The following ADAMTSL1 variants were observed in gnomAD, a reference collection of about 807,000 sequenced individuals.
The protein encoded by ADAMTSL1 is ADAMTS-like protein 1.
ADAMTSL1 carries 126 observed loss-of-function variants against 201.8 expected under a neutral mutation model. The ratio of observed to expected loss-of-function variants is 0.62; its 90% CI spans 0.54 to 0.72. The LOEUF (loss-of-function observed/expected upper bound fraction) is 0.72, where lower values mean the gene tolerates loss of function less well. Ranked by LOEUF, ADAMTSL1 falls within the 30% of genes least tolerant of loss-of-function variation. ADAMTSL1 has a pLI of 0.00. For synonymous variants in ADAMTSL1, 1,121 were observed against 903.4 expected, an observed-to-expected ratio of 1.24 and a Z score of -4.32; for missense variants, 2,679 against 2,277.8, an observed-to-expected ratio of 1.18 and a Z score of -3.59.
rs554979861 is a variant in ADAMTSL1, at chr9:17,925,618, C to T, written c.87+18696C>T. ...ACTATCGCAAGAACAAAAAACCAAA[C>T]ACCGCATATTCTCACTCATAGGTGG... On this transcript the variant is annotated intron_variant, in intron 1 of 29. Transcript: ENST00000680146. Among the ~76,000 whole-genome samples the T allele has an allele frequency of 3.1e-4, 40 of 129,084 alleles. 1 individual carries two copies. Among genetic ancestry groups the T allele is most frequent in the African/African-American group, 7.5e-4 (27 of 35,900 alleles). The allele number at this position is 129,084 out of a possible 152,430, so 84.7% of individuals were successfully genotyped here.
intron 1 of ADAMTSL1, among the ~76,000 whole-genome samples, chr9:18,029,643 A>G (rs973892759): frequency 1.8e-4 from 27 of 151,800 alleles, no homozygotes; most frequent in African/African-American, 5.8e-4. Context: ...TTCGCAACCT[A>G]CTCATCTGAC....
At chr9:18,246,111 A>T (rs1485314972) in intron 2 of ADAMTSL1, among the ~76,000 whole-genome samples, 1 of 152,142 alleles carries the variant, frequency 6.6e-6, no homozygotes, top group Non-Finnish European at 1.5e-5. Flanking sequence ...AACTATAAAC[A>T]ATCAAGACTT....
At chr9:18,554,955 A>T (rs78665267) in intron 3 of ADAMTSL1, among the ~76,000 whole-genome samples, 7,619 of 151,824 alleles carry the variant, frequency 0.05, 283 homozygotes, top group African/African-American at 0.11. Flanking sequence ...TGTAAGGAAC[A>T]TATATCCACC....
chr9:18,151,233 A>C (rs1016538529), intron 1 of ADAMTSL1, among the ~76,000 whole-genome samples: 1 of 152,118 alleles, frequency 6.6e-6, no homozygotes, highest in African/African-American at 2.4e-5. Context: ...TGCTAACAGC[A>C]AACAAAAAAC....
chr9:17,962,737 G>A (rs1223529454), intron 1 of ADAMTSL1, among the ~76,000 whole-genome samples: 2 of 152,184 alleles, frequency 1.3e-5, no homozygotes, highest in Non-Finnish European at 2.9e-5. Flanking sequence ...TGATACAGTT[G>A]TATATGTTTT....
chr9:18,572,244 C>T (rs567389584), intron 3 of ADAMTSL1, among the ~76,000 whole-genome samples: 6 of 151,734 alleles, frequency 4.0e-5, no homozygotes, highest in Middle Eastern at 3.5e-3. Flanking sequence ...TGATTTGACA[C>T]AATTTACCTG....
chr9:18,063,481 A>C (rs993529971), intron 1 of ADAMTSL1, among the ~76,000 whole-genome samples: 1 of 152,240 alleles, frequency 6.6e-6, no homozygotes, highest in African/African-American at 2.4e-5. Flanking sequence ...TCTTTTATCT[A>C]AATATGTTTG....
At chr9:18,174,360 AGTG>A (rs1488650925) in intron 2 of ADAMTSL1, among the ~76,000 whole-genome samples, 2 of 152,098 alleles carry the variant, frequency 1.3e-5, no homozygotes, top group Non-Finnish European at 2.9e-5. Flanking sequence ...GTTGAAAAGG[AGTG>A]GTTGGGGATT....
At chr9:18,824,428 A>G (rs1386311296) in intron 21 of ADAMTSL1, among the ~76,000 whole-genome samples, 1 of 152,182 alleles carries the variant, frequency 6.6e-6, no homozygotes, top group African/African-American at 2.4e-5. Flanking sequence ...TGATGTGACA[A>G]GGCTGTGGTA....
At chr9:18,766,549 AAAAT>A (rs1319735548) in intron 16 of ADAMTSL1, among the ~76,000 whole-genome samples, 2 of 152,218 alleles carry the variant, frequency 1.3e-5, no homozygotes, top group African/African-American at 4.8e-5. Context: ...CTGCTAAAAC[AAAAT>A]ACCGTAGACT....
intron 2 of ADAMTSL1, among the ~76,000 whole-genome samples, chr9:18,460,402 A>T (rs977288507): frequency 1.3e-5 from 2 of 152,154 alleles, no homozygotes; most frequent in African/African-American, 4.8e-5. Flanking sequence ...TTCAATTTCA[A>T]CTTCTTCAGC....
Position 18,474,923 on chromosome 9 carries a change from C to T in ADAMTSL1, c.63+628C>T, listed in dbSNP as rs749390443. Among the ~76,000 whole-genome samples, 189 of 152,102 alleles carry T rather than the reference C, an allele frequency of 1.2e-3. 3 individuals carry two copies. Among genetic ancestry groups the T allele is most frequent in the Non-Finnish European group, 1.3e-3 (91 of 68,030 alleles). ...GAAAAAGGAATGGTGACTTTTAGTA[C>T]GGCTGATTGCCACAGTCATAGTGAT... On this transcript the variant is annotated intron_variant, in intron 1 of 28. Coordinates refer to ENST00000380548, the MANE Select transcript of ADAMTSL1 (RefSeq NM_001040272.6).
chr9:18,753,297 G>C lies in ADAMTSL1; in HGVS notation c.2007-1G>C. On this transcript the variant is annotated splice_acceptor_variant, in intron 15 of 28. Coordinates refer to ENST00000380548, the MANE Select transcript of ADAMTSL1 (RefSeq NM_001040272.6). LOFTEE classifies it high-confidence loss of function. ...CCTCTTCCTCTCTGATTTCTTCTCA[G>C]GTGGGAAATTGGCAAGTGGAGTCCA... 2 of 1,610,012 alleles carry C rather than the reference G, an allele frequency of 1.2e-6. No individual in the cohort carries two copies. Among genetic ancestry groups the C allele is most frequent in the Non-Finnish European group, 1.7e-6 (2 of 1,178,290 alleles).
chr9:18,894,345 C>CTTTTTTTT (rs56112949), intron 26 of ADAMTSL1, among the ~76,000 whole-genome samples: 17,640 of 123,440 alleles, frequency 0.14, 1,645 homozygotes, highest in Middle Eastern at 0.21. Flanking sequence ...AAAACCTTGT[C>CTTTTTTTT]TTTTTTTTTT....
intron 1 of ADAMTSL1, among the ~76,000 whole-genome samples, chr9:18,493,991 A>G (rs1285696982): frequency 6.6e-6 from 1 of 152,230 alleles, no homozygotes; most frequent in Non-Finnish European, 1.5e-5. Flanking sequence ...ATAGATGTGT[A>G]AACAAGTAAC....
In ADAMTSL1 at chr9:18,151,929, G is replaced by A. The variant is rs73424911; in HGVS notation, c.88-11933G>A. On this transcript the variant is annotated intron_variant, in intron 1 of 29. Coordinates refer to the ADAMTSL1 transcript ENST00000680146. ...TCCACACACTTTGTCAGCCAAGTGA[G>A]TCAGTCAAGGTGGAAATACTAATTC... 3.1e-3 allele frequency among the ~76,000 whole-genome samples: 467 copies of A among 152,176 alleles called. 3 individuals are homozygous for A. The highest frequency in any genetic ancestry group is 0.01 in the African/African-American group (436 of 41,560).
At chr9:18,323,392 G>A (rs545917301) in intron 2 of ADAMTSL1, among the ~76,000 whole-genome samples, 4 of 151,982 alleles carry the variant, frequency 2.6e-5, no homozygotes, top group East Asian at 1.9e-4. Flanking sequence ...TTTTTAAATC[G>A]GATAGACAGC....
chr9:18,281,732 T>C (rs563420926), intron 2 of ADAMTSL1, among the ~76,000 whole-genome samples: 1 of 152,252 alleles, frequency 6.6e-6, no homozygotes, highest in East Asian at 1.9e-4. Context: ...TGAGTTCACA[T>C]TTAATATTTA....
intron 23 of ADAMTSL1, among the ~76,000 whole-genome samples, chr9:18,878,917 A>G (rs1433826): frequency 0.72 from 109,118 of 152,114 alleles, 39,995 homozygotes; most frequent in African/African-American, 0.89. Flanking sequence ...AGTTGCTGCT[A>G]GGATCTCTGA....
Sources: allele counts gnomAD v4.1 joint callset (sites outside exome capture counted in the v4.1 genomes callset), GRCh38; gene constraint gnomAD v4.1.1; transcripts MANE v1.5; gene names NCBI Gene and HGNC (gene_info 2026-07-23, HGNC 2026-07-21).